The following DLEC1 variants were observed in gnomAD, a reference collection of about 807,000 sequenced individuals.
DLEC1 encodes the protein deleted in lung and esophageal cancer protein 1.
DLEC1 carries 146 observed loss-of-function variants against 198.1 expected under a neutral mutation model. The observed-to-expected ratio is 0.74, with a 90% CI of 0.64 to 0.85. The LOEUF is 0.85. Among genes scored for constraint, DLEC1 ranks in the 40% least tolerant of loss-of-function variants. The pLI, the probability that DLEC1 is intolerant of heterozygous loss-of-function variation, is 0.00. For missense variants in DLEC1, 2,233 were observed against 2,220.0 expected (o/e 1.01, Z -0.12); for synonymous variants, 897 against 866.8 (o/e 1.03, Z -0.61).
At chr3:38,041,871 T>G (rs1033958656) in intron 1 of DLEC1, among the ~76,000 whole-genome samples, 1 of 145,136 alleles carries the variant, frequency 6.9e-6, no homozygotes, top group Admixed American at 6.9e-5. Context: ...AAAAAAGAAA[T>G]ACAACTATGC....
rs546985937 is a variant in DLEC1, at chr3:38,114,885, T to C, written c.3786-98T>C. On this transcript the variant is annotated intron_variant, in intron 26 of 36. Transcript: ENST00000308059. ...CTCGAGTGAGGCCAGACCACTGTGG[T>C]ATTTCCCCCTGCCTGAGCCCCCAGT... 3.2e-5 allele frequency: 33 copies of C among 1,033,792 alleles called. No individual in the cohort carries two copies. The African/African-American group carries it at 4.9e-4, about 15-fold the overall frequency. The allele number at this position is 1,033,792 out of a possible 1,614,324, so 64.0% of individuals were successfully genotyped here.
At chr3:38,114,297 C>A in intron 25 of DLEC1, 45 bp from the exon 26 acceptor site, 2 of 1,599,464 alleles carry the variant, frequency 1.3e-6, no homozygotes, top group South Asian at 2.2e-5. Flanking sequence ...GGGATGTGGT[C>A]GCAACCGGTG....
In DLEC1 at chr3:38,116,648, C is replaced by G. The variant is rs1291549061; in HGVS notation, c.4052C>G (p.Thr1351Ser). The G allele has an allele frequency of 1.4e-5, 23 of 1,614,118 alleles. No individual in the cohort carries two copies. Among genetic ancestry groups the G allele is most frequent in the Middle Eastern group, 3.3e-4 (2 of 6,058 alleles). Reference sequence around the variant, plus strand: ...AGTTCATCGGAATTCAGCCATGAAACTGACTCATCAGTGAGCAGGGGTGGA... The same window carrying G: ...AGTTCATCGGAATTCAGCCATGAAAGTGACTCATCAGTGAGCAGGGGTGGA... The part of the protein sequence containing the change: ...PSSSSEFSHE[T>S]DSSVEGSSSA... Residue 1351 changes from threonine to serine, a missense_variant, in exon 28 of 37, where the codon ACT becomes AGT. Thr to Ser is a moderately conservative substitution (Grantham distance 58, BLOSUM62 1). Transcript: ENST00000308059.
intron 6 of DLEC1, among the ~76,000 whole-genome samples, chr3:38,070,572 GCGAGCTGCGT>G (rs1311930892): frequency 1.3e-5 from 2 of 152,206 alleles, no homozygotes; most frequent in African/African-American, 4.8e-5. Flanking sequence ...CTGGGTGCAG[GCGAGCTGCGT>G]CCACAAAGAG....
intron 18 of DLEC1, among the ~76,000 whole-genome samples, chr3:38,099,745 C>T (rs1182499739): frequency 1.5e-5 from 2 of 130,884 alleles, no homozygotes; most frequent in Non-Finnish European, 3.2e-5. Context: ...TGTGTGTGTG[C>T]CTGGCATGGG....
intron 2 of DLEC1, among the ~76,000 whole-genome samples, chr3:38,055,966 C>T (rs1036997748): frequency 2.0e-5 from 3 of 152,094 alleles, no homozygotes; most frequent in Admixed American, 2.0e-4. Flanking sequence ...AGCCTGTAAT[C>T]CCAGCACTTC....
intron 33 of DLEC1, among the ~76,000 whole-genome samples, chr3:38,120,062 G>C (rs1048110345): frequency 1.3e-5 from 2 of 152,176 alleles, no homozygotes; most frequent in African/African-American, 4.8e-5. Flanking sequence ...ACACTCATGT[G>C]TGGTCTGCAG....
At chr3:38,078,173 A>G (rs74624288) in intron 6 of DLEC1, among the ~76,000 whole-genome samples, 1 of 152,344 alleles carries the variant, frequency 6.6e-6, no homozygotes, top group South Asian at 2.1e-4. Flanking sequence ...GGTCCGGGCC[A>G]GGAACAATGG....
chr3:38,100,472 G>A (rs764814836), intron 19 of DLEC1, 47 bp downstream of exon 19: 21 of 1,553,362 alleles, frequency 1.4e-5, no homozygotes, highest in Middle Eastern at 1.8e-4. Context: ...ATGCATATTC[G>A]TGATGTATTT....
At position 38,097,825 on chromosome 3, in the gene DLEC1, A is replaced by T; in HGVS notation, c.2647A>T (p.Ile883Phe). 6.2e-7 allele frequency: 1 copy of T among 1,614,134 alleles called. No individual in the cohort carries two copies. Among genetic ancestry groups the T allele is most frequent in the South Asian group, 1.1e-5 (1 of 91,076 alleles). The change falls in exon 18 of 37, where the codon ATC becomes TTC. Residue 883 changes from isoleucine (I) to phenylalanine (F), a missense_variant. Physicochemically the swap from Ile to Phe is conservative, Grantham distance 21. Coordinates refer to ENST00000308059, the MANE Select transcript of DLEC1 (RefSeq NM_007335.4). ...LGQKATNSIQ[I>F]RNVSQLPATW... ...GCAGAAAGCCACAAACTCCATCCAG[A>T]TCCGGAACGTCAGCCAGCTCCCAGC...
chr3:38,050,940 C>CTT (rs71094939), intron 2 of DLEC1, among the ~76,000 whole-genome samples: 58 of 146,842 alleles, frequency 3.9e-4, no homozygotes, highest in East Asian at 2.4e-3. Context: ...CTCTCTCTCT[C>CTT]TTTTTTTTTT....
chr3:38,063,733 C>G, intron 5 of DLEC1, 108 bp from the exon 6 acceptor site: 1 of 800,512 alleles, frequency 1.2e-6, no homozygotes, highest in Non-Finnish European at 2.1e-6. Context: ...TTGTGAATAT[C>G]TTTGATGGTC....
chr3:38,053,215 A>G, intron 2 of DLEC1, among the ~76,000 whole-genome samples: 1 of 151,940 alleles, frequency 6.6e-6, no homozygotes, highest in East Asian at 2.0e-4. Context: ...CGGCCACCCC[A>G]TCTGGGAAGT....
At chr3:38,052,546 T>G (rs890661532) in intron 2 of DLEC1, among the ~76,000 whole-genome samples, 2 of 152,142 alleles carry the variant, frequency 1.3e-5, no homozygotes, top group Non-Finnish European at 2.9e-5. Context: ...CATCAGCCAA[T>G]AGCAGGAACC....
intron 27 of DLEC1, among the ~76,000 whole-genome samples, chr3:38,115,772 G>A (rs1450715001): frequency 2.6e-5 from 4 of 152,180 alleles, no homozygotes; most frequent in African/African-American, 9.7e-5. Context: ...GCTACCGGCT[G>A]GGTGTGGGAA....
At chr3:38,053,612 G>C (rs1345994310) in intron 2 of DLEC1, among the ~76,000 whole-genome samples, 1 of 150,760 alleles carries the variant, frequency 6.6e-6, no homozygotes, top group Non-Finnish European at 1.5e-5. Context: ...CCCCATCCGG[G>C]AGGTGGGGGG....
rs774754693 is a variant in DLEC1, at chr3:38,086,274, T to A, written c.1469T>A (p.Ile490Asn). The part of the protein sequence containing the change: ...SPVLDCGYCL[I>N]GGVKMTRFIC... ...GTGTTGGACTGTGGTTACTGCCTCATTGGGGGAGTCAAGATGACCAGATTC... is the reference window on the plus strand; with the variant it reads ...GTGTTGGACTGTGGTTACTGCCTCAATGGGGGAGTCAAGATGACCAGATTC... Residue 490 changes from isoleucine (I) to asparagine (N), a missense_variant, in exon 9 of 37, where the codon ATT becomes AAT. Physicochemically the swap from Ile to Asn is moderately radical, Grantham distance 149. Transcript: ENST00000308059. The A allele has an allele frequency of 3.7e-6, 6 of 1,612,820 alleles. No individual in the cohort carries two copies. Among genetic ancestry groups the A allele is most frequent in the African/African-American group, 1.3e-5 (1 of 75,010 alleles).
At chr3:38,046,216 G>T (rs1407964577) in intron 2 of DLEC1, among the ~76,000 whole-genome samples, 1 of 152,228 alleles carries the variant, frequency 6.6e-6, no homozygotes, top group African/African-American at 2.4e-5. Context: ...ATTTGTGTGT[G>T]TGTGTAGGGT....
intron 19 of DLEC1, among the ~76,000 whole-genome samples, chr3:38,105,403 C>G (rs1482924917): frequency 6.6e-6 from 1 of 152,046 alleles, no homozygotes; most frequent in Non-Finnish European, 1.5e-5. Flanking sequence ...AATTGCTGAT[C>G]TCTCCTTCAA....
Sources: allele counts gnomAD v4.1 joint callset (sites outside exome capture counted in the v4.1 genomes callset), GRCh38; gene constraint gnomAD v4.1.1; transcripts MANE v1.5; gene names NCBI Gene and HGNC (gene_info 2026-07-23, HGNC 2026-07-21).